THAP8: variants seen among roughly 807,000 people sequenced by gnomAD.
THAP8 encodes the protein THAP domain containing 8.
A neutral mutation model predicts 25.0 loss-of-function variants in THAP8; 24 were observed. The observed-to-expected ratio is 0.96, with a 90% confidence interval of 0.69 to 1.35. THAP8 has a LOEUF of 1.35. THAP8 is among the 40% of genes most tolerant of loss of function. The pLI is 0.00. For synonymous variants in THAP8, 169 were observed against 157.6 expected (o/e 1.07, Z -0.54); for missense variants, 399 against 368.8 (o/e 1.08, Z -0.67).
At position 36,053,052 on chromosome 19, in the gene THAP8, ATCTC is replaced by A. The variant is rs921930799; in HGVS notation, c.83+1079_83+1082del. ...AGACTGGACAACATAGGGTGATCCCATCTCTCTCTTTAAAAACAAAATTTTTTTT... is the reference window on the plus strand; with the variant it reads ...AGACTGGACAACATAGGGTGATCCCATCTCTTTAAAAACAAAATTTTTTTT... On this transcript the variant is annotated intron_variant, in intron 1 of 3. Coordinates refer to ENST00000292894, the MANE Select transcript of THAP8 (RefSeq NM_152658.3). Among the ~76,000 whole-genome samples, 149 of 151,344 alleles carry A rather than the reference ATCTC, an allele frequency of 9.8e-4. 1 individual carries two copies. Among genetic ancestry groups the A allele is most frequent in the African/African-American group, 3.6e-3 (148 of 41,486 alleles).
chr19:36,048,855 AACAAAAAAAC>A (rs1235959298), intron 1 of THAP8, among the ~76,000 whole-genome samples: 3 of 134,216 alleles, frequency 2.2e-5, no homozygotes, highest in Non-Finnish European at 3.2e-5. Flanking sequence ...AAAAAAAAAA[AACAAAAAAAC>A]AAAAAACACC....
At chr19:36,054,439 G>C, upstream of THAP8, 1 of 610,374 alleles carries the variant, frequency 1.6e-6, no homozygotes, top group Non-Finnish European at 2.9e-6. Flanking sequence ...GCCATAGCGA[G>C]TACTGTGCAC....
At chr19:36,045,662 A>C (rs775073628) in intron 1 of THAP8, 19 of 449,676 alleles carry the variant, frequency 4.2e-5, no homozygotes, top group South Asian at 2.8e-4. Flanking sequence ...CCTAAATGCC[A>C]CTACAAGTAT....
chr19:36,046,924 A>C (rs2145450239), intron 1 of THAP8, among the ~76,000 whole-genome samples: 1 of 152,336 alleles, frequency 6.6e-6, no homozygotes, highest in East Asian at 1.9e-4. Flanking sequence ...ATGGTGCCTT[A>C]AATGGAAGGG....
Position 36,042,557 on chromosome 19 carries a change from G to A in THAP8, c.84-2421C>T, listed in dbSNP as rs1644589206. Among the ~76,000 whole-genome samples the A allele has an allele frequency of 3.3e-5, 5 of 152,202 alleles. No homozygotes were observed. In the South Asian group the frequency reaches 1.0e-3, roughly 31 times the overall value. ...GAGGTGGGAGGACTGCTTGAGCCCA[G>A]GAGGTTAAGGCTACAGTGAGCCATG... On this transcript the variant is annotated intron_variant, in intron 1 of 3. Coordinates refer to ENST00000292894, the MANE Select transcript of THAP8 (RefSeq NM_152658.3).
rs369641801 is a variant in THAP8, at chr19:36,039,429, C to T, written c.566G>A (p.Arg189Gln). 1.4e-5 allele frequency: 22 copies of T among 1,580,346 alleles called. No homozygotes were observed. In the African/African-American group the frequency reaches 1.6e-4, roughly 12 times the overall value. ...CTGCGCCTGGTGCCGCTCCTGGCAC[C>T]GTTGCAGCCTCCGCACCCGGCGTTG... ...ALQRRVRRLQ[R>Q]CQERHQAQLQ... The change falls in exon 3 of 4, where the codon CGG (arginine) becomes CAG (glutamine). Residue 189 changes from arginine to glutamine, a missense_variant. By Grantham distance (43) the Arg-to-Gln change is conservative (BLOSUM62 1). Coordinates refer to ENST00000292894, the MANE Select transcript of THAP8 (RefSeq NM_152658.3).
At chr19:36,037,634 G>A (rs751413275) in intron 3 of THAP8, among the ~76,000 whole-genome samples, 3 of 152,046 alleles carry the variant, frequency 2.0e-5, no homozygotes, top group African/African-American at 4.8e-5. Context: ...AGATTATAAT[G>A]AGGTTTTTTT....
At chr19:36,051,585 A>G (rs1970056771) in intron 1 of THAP8, among the ~76,000 whole-genome samples, 1 of 152,090 alleles carries the variant, frequency 6.6e-6, no homozygotes, top group South Asian at 2.1e-4. Context: ...AGAGGGTTAG[A>G]AGTGATCAAA....
intron 3 of THAP8, among the ~76,000 whole-genome samples, chr19:36,038,111 T>C (rs976436423): frequency 1.3e-5 from 2 of 151,832 alleles, no homozygotes; most frequent in Non-Finnish European, 2.9e-5. Context: ...CCCAACTAAT[T>C]TTTGTATTTT....
At chr19:36,037,150 A>G (rs1052783368) in intron 3 of THAP8, among the ~76,000 whole-genome samples, 3 of 151,568 alleles carry the variant, frequency 2.0e-5, no homozygotes, top group African/African-American at 7.3e-5. Flanking sequence ...CCTTGGTCAA[A>G]CTGTGATTTT....
chr19:36,048,853 A>AC (rs1424721268), intron 1 of THAP8, among the ~76,000 whole-genome samples: 5 of 135,664 alleles, frequency 3.7e-5, no homozygotes, highest in Non-Finnish European at 4.8e-5. Context: ...AAAAAAAAAA[A>AC]AAACAAAAAA....
At chr19:36,054,511 T>C, upstream of THAP8, 1 of 568,472 alleles carries the variant, frequency 1.8e-6, no homozygotes, top group Non-Finnish European at 3.2e-6. Context: ...AAGGGCGGCG[T>C]CACGGCGTTT....
At chr19:36,054,357 G>C (rs757135940), upstream of THAP8, 333 of 1,027,696 alleles carry the variant, frequency 3.2e-4, no homozygotes, top group South Asian at 6.3e-4. Context: ...ACCGGGGAGA[G>C]AGCTGAGAGC....
intron 3 of THAP8, among the ~76,000 whole-genome samples, chr19:36,037,965 G>C (rs1276339735): frequency 2.6e-5 from 4 of 151,588 alleles, no homozygotes; most frequent in Admixed American, 1.3e-4. Context: ...TTGTTTTTGA[G>C]ATGGCGTCTC....
intron 1 of THAP8, among the ~76,000 whole-genome samples, chr19:36,041,466 T>TA (rs991372441): frequency 1.1e-4 from 16 of 152,174 alleles, no homozygotes; most frequent in African/African-American, 2.9e-4. Context: ...GACAAAAACT[T>TA]AGAGGTGTGG....
chr19:36,048,160 G>C (rs1351138142), intron 1 of THAP8, among the ~76,000 whole-genome samples: 1 of 152,064 alleles, frequency 6.6e-6, no homozygotes, highest in Non-Finnish European at 1.5e-5. Context: ...CTCCAAATAG[G>C]GATAGTTTAT....
intron 1 of THAP8, among the ~76,000 whole-genome samples, chr19:36,040,471 C>T (rs1376189315): frequency 2.0e-5 from 3 of 152,074 alleles, no homozygotes; most frequent in Admixed American, 6.6e-5. Context: ...GGACTACAGG[C>T]GCACGCCACC....
intron 1 of THAP8, among the ~76,000 whole-genome samples, chr19:36,050,039 G>C (rs994263020): frequency 2.1e-5 from 3 of 140,336 alleles, no homozygotes; most frequent in African/African-American, 8.2e-5. Context: ...GGGCGGCAGA[G>C]CAAGACCCTG....
chr19:36,035,454 T>G lies in THAP8; in HGVS notation c.811A>C (p.Ile271Leu). Residue 271 changes from isoleucine to leucine, a missense_variant, in exon 4 of 4, where the codon ATC becomes CTC. Ile to Leu is a conservative substitution (Grantham distance 5). Transcript: ENST00000292894. ...TGTCTTGATCCTTATGCACTGGGGA[T>G]CCGAGTGTCCAGGAGCTCCGGCTTG... ...DAKPELLDTRIPSA is the reference protein window; with the variant it reads ...DAKPELLDTRLPSA The G allele has an allele frequency of 6.2e-7, 1 of 1,613,962 alleles. No individual in the cohort carries two copies. Among genetic ancestry groups the G allele is most frequent in the Non-Finnish European group, 8.5e-7 (1 of 1,179,876 alleles).
Sources: allele counts gnomAD v4.1 joint callset (sites outside exome capture counted in the v4.1 genomes callset), GRCh38; gene constraint gnomAD v4.1.1; transcripts MANE v1.5; gene names NCBI Gene and HGNC (gene_info 2026-07-23, HGNC 2026-07-21).